Variants in HDAC9 observed in about 807,000 individuals in gnomAD.
HDAC9 encodes the protein histone deacetylase 9.
HDAC9 carries 41 observed loss-of-function variants against 139.4 expected under a neutral mutation model. The ratio of observed to expected loss-of-function variants is 0.29; its 90% CI spans 0.23 to 0.38. The LOEUF (loss-of-function observed/expected upper bound fraction) is 0.38. Ranked by LOEUF, HDAC9 falls within the 10% of genes least tolerant of loss-of-function variation. The probability of loss-of-function intolerance (pLI) is 1.00; values close to 1 mark genes in which losing one functional copy is unlikely to be tolerated. For missense variants in HDAC9, 1,147 were observed against 1,297.0 expected (o/e 0.88, Z 1.78); for synonymous variants, 517 against 476.2 (o/e 1.09, Z -1.12).
At chr7:18,292,719 T>A (rs1797889629) in intron 1 of HDAC9, among the ~76,000 whole-genome samples, 1 of 152,176 alleles carries the variant, frequency 6.6e-6, no homozygotes, top group Admixed American at 6.6e-5. Context: ...TATATCTAAG[T>A]CAGTTTTTGA....
rs1792022963 is a variant in HDAC9, at chr7:18,212,614, G to A, written c.25+50265G>A. Among the ~76,000 whole-genome samples the A allele has an allele frequency of 2.0e-5, 3 of 152,204 alleles. No individual in the cohort carries two copies. The South Asian group carries it at 6.2e-4, about 32-fold the overall frequency. On this transcript the variant is annotated intron_variant, in intron 2 of 12. Transcript: ENST00000417496. Reference sequence around the variant, plus strand: ...ACCAGCCTCCTAGGATAGGTAAGATGTTGCAGTGAAGTTTCTTGTTACGAT... The same window carrying A: ...ACCAGCCTCCTAGGATAGGTAAGATATTGCAGTGAAGTTTCTTGTTACGAT...
intron 1 of HDAC9, among the ~76,000 whole-genome samples, chr7:18,354,475 C>A (rs17347159): frequency 0.13 from 19,868 of 152,172 alleles, 1,679 homozygotes; most frequent in Non-Finnish European, 0.18. Context: ...AACTAATGTG[C>A]AGATTTAGGC....
intron 22 of HDAC9, among the ~76,000 whole-genome samples, chr7:18,924,738 T>C (rs1804063437): frequency 6.6e-6 from 1 of 152,142 alleles, no homozygotes; most frequent in Admixed American, 6.6e-5. Flanking sequence ...TTGTTGTTTG[T>C]TTGTTTTTTT....
chr7:18,972,409 C>G (rs547741957), intron 24 of HDAC9, among the ~76,000 whole-genome samples: 2 of 118,150 alleles, frequency 1.7e-5, no homozygotes, highest in East Asian at 2.7e-4. Context: ...GAGATGGAGT[C>G]TTGCCCTGTC....
At chr7:18,737,447 T>C (rs1787030305) in intron 13 of HDAC9, among the ~76,000 whole-genome samples, 1 of 152,258 alleles carries the variant, frequency 6.6e-6, no homozygotes, top group Non-Finnish European at 1.5e-5. Flanking sequence ...TTGTTCTCAC[T>C]GGTTTCAAAG....
intron 11 of HDAC9, among the ~76,000 whole-genome samples, chr7:18,657,968 G>T (rs1791792298): frequency 6.6e-6 from 1 of 151,944 alleles, no homozygotes; most frequent in Non-Finnish European, 1.5e-5. Context: ...TATCTTTGAG[G>T]AATCTCCTTC....
chr7:18,627,386 A>T (rs1276503518), intron 6 of HDAC9, among the ~76,000 whole-genome samples: 2 of 152,178 alleles, frequency 1.3e-5, no homozygotes, highest in African/African-American at 4.8e-5. Flanking sequence ...GAGGATACCA[A>T]TGTAGTTAGC....
chr7:18,290,533 A>C (rs1461937359), intron 1 of HDAC9: 46 of 456,504 alleles, frequency 1.0e-4, no homozygotes, highest in Non-Finnish European at 4.4e-6. Context: ...TCTTTATTTT[A>C]ATCTTTTAAG....
intron 24 of HDAC9, among the ~76,000 whole-genome samples, chr7:18,966,088 G>C (rs1391964164): frequency 6.6e-6 from 1 of 152,174 alleles, no homozygotes; most frequent in Non-Finnish European, 1.5e-5. Context: ...CCTGTACTTT[G>C]CTTTAGCTTC....
chr7:18,457,465 TAA>T (rs1223375977), intron 1 of HDAC9, among the ~76,000 whole-genome samples: 2 of 152,234 alleles, frequency 1.3e-5, no homozygotes, highest in African/African-American at 4.8e-5. Context: ...AATTTTAATT[TAA>T]CTTTTAAAAT....
At chr7:18,930,503 T>C (rs530078712) in intron 22 of HDAC9, among the ~76,000 whole-genome samples, 1 of 152,078 alleles carries the variant, frequency 6.6e-6, no homozygotes, top group East Asian at 1.9e-4. Flanking sequence ...CACTGAAACC[T>C]TTAATATGTC....
chr7:18,518,091 A>G (rs1029565620), intron 2 of HDAC9: 2 of 152,166 alleles, frequency 1.3e-5, no homozygotes, highest in African/African-American at 2.4e-5. Context: ...CACTTATTTT[A>G]TTTGTTTTAA....
In HDAC9 at chr7:18,817,065, C is replaced by T. The variant is rs62446638; in HGVS notation, c.2323-12096C>T. On this transcript the variant is annotated intron_variant, in intron 17 of 25. Coordinates refer to ENST00000686413, the MANE Select transcript of HDAC9 (RefSeq NM_178425.4). ...TTTTTTTTTTTTTGAAATGGAGTCTCGCGCTGTCGCCCAGGCTGGAGTACA... is the reference window on the plus strand; with the variant it reads ...TTTTTTTTTTTTTGAAATGGAGTCTTGCGCTGTCGCCCAGGCTGGAGTACA... Among the ~76,000 whole-genome samples the T allele has an allele frequency of 6.1e-3, 912 of 149,330 alleles. 3 individuals carry two copies. The highest frequency in any genetic ancestry group is 8.6e-3 in the Non-Finnish European group (581 of 67,636).
chr7:18,830,593 C>A (rs1002173401), intron 19 of HDAC9, among the ~76,000 whole-genome samples: 1 of 152,116 alleles, frequency 6.6e-6, no homozygotes, highest in Non-Finnish European at 1.5e-5. Flanking sequence ...AGAGCACAAA[C>A]AAAGCCATGT....
intron 16 of HDAC9, among the ~76,000 whole-genome samples, chr7:18,786,254 A>T (rs879407289): frequency 1.1e-4 from 17 of 152,132 alleles, no homozygotes; most frequent in Non-Finnish European, 1.9e-4. Flanking sequence ...TTTAAATGTG[A>T]ACAGCATTAT....
chr7:18,557,522 G>C (rs1819212095), intron 2 of HDAC9, among the ~76,000 whole-genome samples: 1 of 150,728 alleles, frequency 6.6e-6, no homozygotes, highest in Non-Finnish European at 1.5e-5. Flanking sequence ...TTTCATGAAA[G>C]ATAGACTTTA....
intron 1 of HDAC9, among the ~76,000 whole-genome samples, chr7:18,483,050 TTATGCATTATATAGTA>T (rs1795702218): frequency 6.6e-6 from 1 of 152,228 alleles, no homozygotes; most frequent in Admixed American, 6.5e-5. Context: ...AGATGGTGAA[TTATGCATTATATAGTA>T]TATGCATTAT....
intron 1 of HDAC9, among the ~76,000 whole-genome samples, chr7:18,144,046 C>A (rs573313827): frequency 5.1e-4 from 78 of 152,026 alleles, no homozygotes; most frequent in Middle Eastern, 3.4e-3. Context: ...ACATGTCACA[C>A]CTGGTTTTGA....
At chr7:18,751,421 T>C (rs947775137) in intron 14 of HDAC9, among the ~76,000 whole-genome samples, 6 of 152,146 alleles carry the variant, frequency 3.9e-5, no homozygotes, top group African/African-American at 1.4e-4. Flanking sequence ...TTTCCTAACA[T>C]AGTTTGATGG....
Sources: allele counts gnomAD v4.1 joint callset (sites outside exome capture counted in the v4.1 genomes callset), GRCh38; gene constraint gnomAD v4.1.1; transcripts MANE v1.5; gene names NCBI Gene and HGNC (gene_info 2026-07-23, HGNC 2026-07-21).